Variants in GHR observed in about 807,000 individuals in gnomAD.
GHR encodes growth hormone receptor, also known as GH receptor.
GHR carries 35 observed loss-of-function variants against 67.1 expected under a neutral mutation model. The ratio of observed to expected loss-of-function variants is 0.52; its 90% confidence interval spans 0.40 to 0.69. The LOEUF (loss-of-function observed/expected upper bound fraction) is 0.69. Ranked by LOEUF, GHR falls within the 30% of genes least tolerant of loss-of-function variation. The pLI is 0.00. For synonymous variants in GHR, 272 were observed against 269.1 expected (o/e 1.01, Z -0.10); for missense variants, 792 against 764.6 (o/e 1.04, Z -0.42).
At chr5:42,467,831 G>T (rs546788126) in intron 1 of GHR, 11 of 1,188,260 alleles carry the variant, frequency 9.3e-6, no homozygotes, top group Admixed American at 2.1e-5. Context: ...CTGGGTTTTC[G>T]GATTGTTAAC....
At chr5:42,609,575 A>G (rs1374063650) in intron 2 of GHR, among the ~76,000 whole-genome samples, 1 of 152,148 alleles carries the variant, frequency 6.6e-6, no homozygotes, top group Non-Finnish European at 1.5e-5. Flanking sequence ...GTAGCCAACC[A>G]GTGGTGTCTT....
chr5:42,676,231 G>A (rs556695537), intron 3 of GHR, among the ~76,000 whole-genome samples: 31 of 152,184 alleles, frequency 2.0e-4, no homozygotes, highest in African/African-American at 6.7e-4. Flanking sequence ...GTTGCAGTGA[G>A]CCAAGATCTC....
At chr5:42,638,945 C>T (rs775536636) in intron 3 of GHR, among the ~76,000 whole-genome samples, 6 of 152,014 alleles carry the variant, frequency 3.9e-5, no homozygotes, top group African/African-American at 7.2e-5. Flanking sequence ...GAAGAGGCAA[C>T]GGAAACGTCA....
At chr5:42,640,495 C>T (rs191105881) in intron 3 of GHR, among the ~76,000 whole-genome samples, 1 of 152,146 alleles carries the variant, frequency 6.6e-6, no homozygotes, top group East Asian at 1.9e-4. Context: ...TATTACTACT[C>T]CTGGAAGAGT....
chr5:42,530,048 C>T (rs1185713088), intron 1 of GHR, among the ~76,000 whole-genome samples: 1 of 86,546 alleles, frequency 1.2e-5, no homozygotes, highest in Non-Finnish European at 2.4e-5. Flanking sequence ...TATTTTTTTC[C>T]AGCTTTATTT....
intron 1 of GHR, among the ~76,000 whole-genome samples, chr5:42,485,794 A>G (rs1338313819): frequency 1.3e-5 from 2 of 152,240 alleles, no homozygotes; most frequent in Non-Finnish European, 2.9e-5. Context: ...CCAGCTCACA[A>G]GAAGACTTAA....
At chr5:42,626,755 G>C (rs1484310256) in intron 2 of GHR, among the ~76,000 whole-genome samples, 1 of 152,134 alleles carries the variant, frequency 6.6e-6, no homozygotes, top group Non-Finnish European at 1.5e-5. Flanking sequence ...GTCAAGAAAC[G>C]GAGACAAGGT....
At chr5:42,553,251 T>G (rs1308231894) in intron 1 of GHR, among the ~76,000 whole-genome samples, 1 of 152,130 alleles carries the variant, frequency 6.6e-6, no homozygotes, top group African/African-American at 2.4e-5. Context: ...CAGAAATCAG[T>G]GTTGTTAGGG....
At position 42,629,123 on chromosome 5, in the gene GHR, T is replaced by C; in HGVS notation, c.136+20T>C. 1 of 1,174,752 alleles carries C rather than the reference T, an allele frequency of 8.5e-7. No homozygotes were observed. Among genetic ancestry groups the C allele is most frequent in the Non-Finnish European group, 1.2e-6 (1 of 809,818 alleles). The allele number at this position is 1,174,752 out of a possible 1,614,324, so 72.8% of individuals were successfully genotyped here. A position where few individuals can be genotyped will look rare whatever the true frequency, so the allele number is the denominator to read the frequency against. On this transcript the variant is annotated intron_variant, in intron 3 of 9. Transcript: ENST00000230882. ...AGACAAGTAAGAATTTCAGTCCTTT[T>C]TCTTCCTTCAATGATATTTTCCATG... is the stretch of plus-strand genomic sequence containing the variant.
chr5:42,660,983 C>A (rs1439783159), intron 3 of GHR, among the ~76,000 whole-genome samples: 1 of 152,004 alleles, frequency 6.6e-6, no homozygotes. Context: ...GGAGCCGATG[C>A]GATCAGCTGG....
chr5:42,510,196 TA>T (rs371083770), intron 1 of GHR, among the ~76,000 whole-genome samples: 97 of 152,338 alleles, frequency 6.4e-4, no homozygotes, highest in African/African-American at 2.2e-3. Flanking sequence ...TGGCAAATAG[TA>T]ACCATTTATC....
At chr5:42,542,269 G>A (rs911574974) in intron 1 of GHR, among the ~76,000 whole-genome samples, 4 of 152,148 alleles carry the variant, frequency 2.6e-5, no homozygotes, top group Admixed American at 2.6e-4. Flanking sequence ...GAAGTGGGGA[G>A]TGATCCATTG....
chr5:42,465,325 A>T (rs936286593), intron 1 of GHR: 84 of 736,612 alleles, frequency 1.1e-4, no homozygotes, highest in East Asian at 1.1e-3. Flanking sequence ...GCATGAAAAT[A>T]AATCTTTATT....
chr5:42,576,086 A>AAAT (rs1485901663), intron 2 of GHR, among the ~76,000 whole-genome samples: 14 of 91,742 alleles, frequency 1.5e-4, no homozygotes, highest in Non-Finnish European at 2.4e-4. Flanking sequence ...AAATAAAATA[A>AAAT]AATAAAATAA....
At chr5:42,613,283 T>C (rs888816133) in intron 2 of GHR, among the ~76,000 whole-genome samples, 1 of 152,114 alleles carries the variant, frequency 6.6e-6, no homozygotes, top group Non-Finnish European at 1.5e-5. Context: ...AATACTTTGT[T>C]AATTCCAAGT....
chr5:42,439,212 A>G (rs1008753833), intron 1 of GHR, among the ~76,000 whole-genome samples: 2 of 152,236 alleles, frequency 1.3e-5, no homozygotes, highest in Non-Finnish European at 2.9e-5. Flanking sequence ...ATTAATAATA[A>G]CTGCATTATT....
chr5:42,663,655 A>T lies in GHR; in HGVS notation c.137-25235A>T, dbSNP rs1419480043. On this transcript the variant is annotated intron_variant, in intron 3 of 9. Transcript: ENST00000230882. ...CCAATATCATACTGAATGGGCAAAA[A>T]CTGGAAGCATTCCCTTTGAAAACTG... 2.0e-5 allele frequency among the ~76,000 whole-genome samples: 3 copies of T among 152,198 alleles called. No homozygotes were observed. The East Asian group carries it at 5.8e-4, about 29-fold the overall frequency.
chr5:42,716,841 G>A (rs184970090), intron 8 of GHR, among the ~76,000 whole-genome samples: 1 of 152,150 alleles, frequency 6.6e-6, no homozygotes, highest in Non-Finnish European at 1.5e-5. Context: ...TTATGGAATG[G>A]ACTGGACTGA....
At chr5:42,535,553 C>T (rs1017335878) in intron 1 of GHR, among the ~76,000 whole-genome samples, 1 of 152,132 alleles carries the variant, frequency 6.6e-6, no homozygotes, top group African/African-American at 2.4e-5. Context: ...GTTTTGGTGA[C>T]TATGGCCTTA....
Sources: allele counts gnomAD v4.1 joint callset (sites outside exome capture counted in the v4.1 genomes callset), GRCh38; gene constraint gnomAD v4.1.1; transcripts MANE v1.5; gene names NCBI Gene and HGNC (gene_info 2026-07-23, HGNC 2026-07-21).